The following AADACL2 variants were observed in gnomAD, a reference collection of about 807,000 sequenced individuals.
The protein encoded by AADACL2 is arylacetamide deacetylase-like 2.
AADACL2 carries 23 observed loss-of-function variants against 22.3 expected under a neutral mutation model. That is an observed-to-expected ratio of 1.03 (90% CI 0.74 to 1.46). The LOEUF is 1.46. Among genes scored for constraint, AADACL2 ranks in the 40% most tolerant of loss-of-function variants. The pLI is 0.00. For synonymous variants in AADACL2, 177 were observed against 166.2 expected (o/e 1.07, Z -0.50); for missense variants, 472 against 482.9 (o/e 0.98, Z 0.21).
Position 151,744,172 on chromosome 3 carries a change from AT to A in AADACL2, c.431+17del, listed in dbSNP as rs756807493. On this transcript the variant is annotated intron_variant, in intron 3 of 4. Coordinates refer to ENST00000356517, the MANE Select transcript of AADACL2 (RefSeq NM_207365.4). ...TTGTTGTAGGCGTGGAGTAAGAATGATTTTTTTCTGGCTACTATGATTTTTG... is the reference window on the plus strand; with the variant it reads ...TTGTTGTAGGCGTGGAGTAAGAATGATTTTTTCTGGCTACTATGATTTTTG... The A allele has an allele frequency of 3.7e-6, 6 of 1,612,742 alleles. No homozygotes were observed. The highest frequency in any genetic ancestry group is 1.3e-5 in the African/African-American group (1 of 74,814).
chr3:151,744,158 GT>G lies in AADACL2; in HGVS notation c.428del (p.Val143GlyfsTer52), dbSNP rs1560282942. On this transcript the variant is annotated frameshift_variant, in exon 3 of 5. Transcript: ENST00000356517. LOFTEE classifies it high-confidence loss of function. ...CACGCTTGATGCTGTTGTTGTAGGC[GT>G]GGAGTAAGAATGATTTTTTTCTGGC... ...ANTLDAVVVGVDYRLAPQHHF... is the reference protein window; with the variant it reads ...ANTLDAVVVGXDYRLAPQHHF... The G allele has an allele frequency of 6.2e-7, 1 of 1,613,488 alleles. No individual in the cohort carries two copies. The highest frequency in any genetic ancestry group is 8.5e-7 in the Non-Finnish European group (1 of 1,179,654).
chr3:151,740,080 C>T (rs1713228253), intron 1 of AADACL2, among the ~76,000 whole-genome samples: 1 of 152,250 alleles, frequency 6.6e-6, no homozygotes, highest in East Asian at 1.9e-4. Context: ...CTGCAGCTAG[C>T]TCCATGTCTG....
At chr3:151,745,871 A>T (rs1235332991) in intron 4 of AADACL2, among the ~76,000 whole-genome samples, 191 bp downstream of exon 4, 2 of 152,034 alleles carry the variant, frequency 1.3e-5, no homozygotes, top group Non-Finnish European at 2.9e-5. Flanking sequence ...ATTGATCTAC[A>T]TGTCTATCCT....
Position 151,745,573 on chromosome 3 carries a change from T to C in AADACL2, c.496T>C (p.Phe166Leu). ...QFEDGLAAVKFFLLEKILTKY... is the reference protein window; with the variant it reads ...QFEDGLAAVKLFLLEKILTKY... ...TGAAGATGGCCTTGCTGCAGTCAAA[T>C]TTTTTCTTTTGGAAAAAATTCTTAC... The change falls in exon 4 of 5, where the codon TTT becomes CTT. Residue 166 changes from phenylalanine to leucine, a missense_variant. By Grantham distance (22) the Phe-to-Leu change is conservative. Transcript: ENST00000356517. 1 of 1,613,874 alleles carries C rather than the reference T, an allele frequency of 6.2e-7. No individual in the cohort carries two copies. The highest frequency in any genetic ancestry group is 8.5e-7 in the Non-Finnish European group (1 of 1,179,884).
intron 1 of AADACL2, among the ~76,000 whole-genome samples, chr3:151,735,858 A>C (rs1007670380): frequency 1.1e-4 from 16 of 152,240 alleles, no homozygotes; most frequent in African/African-American, 3.9e-4. Flanking sequence ...AATAATTATA[A>C]TAATAAAGAT....
chr3:151,756,832 T>C (rs1713928616), intron 4 of AADACL2, among the ~76,000 whole-genome samples, 160 bp from the exon 5 acceptor site: 1 of 151,782 alleles, frequency 6.6e-6, no homozygotes, highest in Non-Finnish European at 1.5e-5. Flanking sequence ...TGAATTTTTT[T>C]ATGCCATGGT....
rs745653851 is a variant in AADACL2 at position 151,757,639 on chromosome 3, T to G, written c.*45T>G. The G allele has an allele frequency of 5.9e-6, 9 of 1,528,402 alleles. No individual in the cohort carries two copies. The South Asian group carries it at 1.2e-4, about 20-fold the overall frequency. The allele number at this position is 1,528,402 out of a possible 1,614,324, so 94.7% of individuals were successfully genotyped here. On this transcript the variant is annotated 3_prime_UTR_variant, in exon 5 of 5. Transcript: ENST00000356517. ...AGCCCTTACATAGTGGATTGTAATTTGTGATATTTTGTGGTTTTGGAGCAA... is the reference window on the plus strand; with the variant it reads ...AGCCCTTACATAGTGGATTGTAATTGGTGATATTTTGTGGTTTTGGAGCAA...
At chr3:151,740,082 C>G (rs763651473) in intron 1 of AADACL2, among the ~76,000 whole-genome samples, 8 of 152,250 alleles carry the variant, frequency 5.3e-5, no homozygotes, top group Non-Finnish European at 1.2e-4. Context: ...GCAGCTAGCT[C>G]CATGTCTGCC....
chr3:151,747,642 A>ATC (rs1713499030), intron 4 of AADACL2, among the ~76,000 whole-genome samples: 1 of 150,822 alleles, frequency 6.6e-6, no homozygotes, highest in African/African-American at 2.5e-5. Flanking sequence ...GTGTGTGTAG[A>ATC]TACACACACA....
In AADACL2 at chr3:151,761,330, T is replaced by C. The variant is rs1231771495; in HGVS notation, c.*3736T>C. ...AATAAAGGCCTTGTGCCATTGGTGGTGTTCTGAAAGGAAGAGTCCATCAAT... is the reference window on the plus strand; with the variant it reads ...AATAAAGGCCTTGTGCCATTGGTGGCGTTCTGAAAGGAAGAGTCCATCAAT... On this transcript the variant is annotated 3_prime_UTR_variant, in exon 5 of 5. Transcript: ENST00000356517. The C allele has an allele frequency of 6.1e-6, 1 of 163,842 alleles. No individual in the cohort carries two copies. The highest frequency in any genetic ancestry group is 1.4e-5 in the Non-Finnish European group (1 of 74,044). The allele number at this position is 163,842 out of a possible 1,614,324, so 10.1% of individuals were successfully genotyped here.
rs372934913 is a variant in AADACL2, at chr3:151,740,781, C to A, written c.274C>A (p.Arg92=). 17 of 1,613,746 alleles carry A rather than the reference C, an allele frequency of 1.1e-5. No individual in the cohort carries two copies. Among genetic ancestry groups the A allele is most frequent in the Non-Finnish European group, 1.3e-5 (15 of 1,179,926 alleles). ...TDTTFVDIPV[R]LYLPKRKSET... ...TACAACATTTGTTGACATTCCAGTACGATTGTACTTGCCAAAAAGAAAGTC... is the reference window on the plus strand; with the variant it reads ...TACAACATTTGTTGACATTCCAGTAAGATTGTACTTGCCAAAAAGAAAGTC... The change falls in exon 2 of 5, where the codon CGA becomes AGA. Residue 92 remains arginine, a synonymous_variant. Coordinates refer to ENST00000356517, the MANE Select transcript of AADACL2 (RefSeq NM_207365.4).
rs1372157991 is a variant in AADACL2, at chr3:151,757,261, T to A, written c.873T>A (p.Tyr291Ter). ...VNWSILLPEKYRKDYVYTEPI... is the reference protein window; with the variant it reads ...VNWSILLPEK ...GGAGTATTCTTCTTCCTGAGAAGTA[T>A]AGAAAAGACTATGTATATACTGAAC... is the stretch of plus-strand genomic sequence containing the variant. Residue 291 changes from tyrosine to a stop codon, truncating the protein, a stop_gained, in exon 5 of 5, where the codon TAT becomes TAA. Coordinates refer to ENST00000356517, the MANE Select transcript of AADACL2 (RefSeq NM_207365.4). LOFTEE classifies it low-confidence loss of function (END_TRUNC). 6.2e-7 allele frequency: 1 copy of A among 1,613,754 alleles called. No homozygotes were observed. Among genetic ancestry groups the A allele is most frequent in the East Asian group, 2.2e-5 (1 of 44,872 alleles).
intron 2 of AADACL2, 64 bp from the exon 3 acceptor site, chr3:151,744,029 C>T (rs1222316820): frequency 1.3e-6 from 2 of 1,519,572 alleles, no homozygotes; most frequent in East Asian, 2.3e-5. Flanking sequence ...ACATTCATAT[C>T]TGTAACTGTT....
chr3:151,748,551 A>G (rs1489535907), intron 4 of AADACL2, among the ~76,000 whole-genome samples: 1 of 152,202 alleles, frequency 6.6e-6, no homozygotes, highest in Non-Finnish European at 1.5e-5. Flanking sequence ...TGAATAGATT[A>G]ATGCCCTTCA....
intron 1 of AADACL2, among the ~76,000 whole-genome samples, chr3:151,738,251 C>T (rs569371607): frequency 7.9e-5 from 12 of 152,234 alleles, no homozygotes; most frequent in East Asian, 5.8e-4. Context: ...CCTTTGCTTA[C>T]GAAGCTTAGT....
rs1431388517 is a variant in AADACL2, at chr3:151,760,235, T to G, written c.*2641T>G. ...TAGGGGAAGACTTGATTACACCCCATGGCATTACAGCTAAAAATTCCAACG... is the reference window on the plus strand; with the variant it reads ...TAGGGGAAGACTTGATTACACCCCAGGGCATTACAGCTAAAAATTCCAACG... On this transcript the variant is annotated 3_prime_UTR_variant, in exon 5 of 5. Transcript: ENST00000356517. 6.6e-6 allele frequency: 1 copy of G among 152,194 alleles called. No homozygotes were observed. Among genetic ancestry groups the G allele is most frequent in the Non-Finnish European group, 1.5e-5 (1 of 68,014 alleles). The allele number at this position is 152,194 out of a possible 1,614,324, so 9.4% of individuals were successfully genotyped here. A position where few individuals can be genotyped will look rare whatever the true frequency, so the allele number is the denominator to read the frequency against.
In AADACL2 at chr3:151,758,473, A is replaced by G. The variant is rs1714034199; in HGVS notation, c.*879A>G. The G allele has an allele frequency of 1.3e-5, 2 of 152,050 alleles. No individual in the cohort carries two copies. Among genetic ancestry groups the G allele is most frequent in the South Asian group, 4.1e-4 (2 of 4,826 alleles). The allele number at this position is 152,050 out of a possible 1,614,324, so 9.4% of individuals were successfully genotyped here. ...CCCTTTTCTATATAAAGTAACCTTC[A>G]GAGATTAGGATGTAGTTATCTTTTG... On this transcript the variant is annotated 3_prime_UTR_variant, in exon 5 of 5. Coordinates refer to ENST00000356517, the MANE Select transcript of AADACL2 (RefSeq NM_207365.4).
chr3:151,746,518 C>T (rs1201299621), intron 4 of AADACL2, among the ~76,000 whole-genome samples: 5 of 151,528 alleles, frequency 3.3e-5, no homozygotes, highest in Non-Finnish European at 7.4e-5. Flanking sequence ...AACTCTCTTG[C>T]TTTGTATTTT....
chr3:151,739,253 C>G (rs1713195900), intron 1 of AADACL2, among the ~76,000 whole-genome samples: 1 of 152,186 alleles, frequency 6.6e-6, no homozygotes, highest in Non-Finnish European at 1.5e-5. Flanking sequence ...AGTTAGGCTC[C>G]TCTTCTGCAG....
Sources: allele counts gnomAD v4.1 joint callset (sites outside exome capture counted in the v4.1 genomes callset), GRCh38; gene constraint gnomAD v4.1.1; transcripts MANE v1.5; gene names NCBI Gene and HGNC (gene_info 2026-07-23, HGNC 2026-07-21).